Variants in DNMBP observed in about 807,000 individuals in gnomAD.
The protein encoded by DNMBP is dynamin binding protein, also known as dynamin-binding protein.
In DNMBP, 87 loss-of-function variants were observed where a neutral mutation model predicts 150.0. The ratio of observed to expected loss-of-function variants is 0.58; its 90% CI spans 0.49 to 0.69. The LOEUF (loss-of-function observed/expected upper bound fraction) is 0.69, where lower values mean the gene tolerates loss of function less well. Ranked by LOEUF, DNMBP falls within the 30% of genes least tolerant of loss-of-function variation. The pLI is 0.00. For missense variants in DNMBP, 1,774 were observed against 1,949.0 expected, an observed-to-expected ratio of 0.91 and a Z score of 1.69; for synonymous variants, 711 against 750.4, an observed-to-expected ratio of 0.95 and a Z score of 0.86.
chr10:99,906,236 C>G (rs2039823840), intron 6 of DNMBP, among the ~76,000 whole-genome samples: 1 of 152,110 alleles, frequency 6.6e-6, no homozygotes, highest in Admixed American at 6.6e-5. Flanking sequence ...CCTTTCTAGC[C>G]ATCAGCTTAG....
Position 99,997,927 on chromosome 10 carries a change from C to CAA in DNMBP, c.-11+11909_-11+11910dup, listed in dbSNP as rs71009798. Among the ~76,000 whole-genome samples, 101 of 22,322 alleles carry CAA rather than the reference C, an allele frequency of 4.5e-3. 23 individuals are homozygous for CAA. Among genetic ancestry groups the CAA allele is most frequent in the Admixed American group, 0.011 (17 of 1,480 alleles). 14.6% of individuals were successfully genotyped at this position (22,322 alleles called of 152,430 possible). On this transcript the variant is annotated intron_variant, in intron 1 of 16. Coordinates refer to ENST00000324109, the MANE Select transcript of DNMBP (RefSeq NM_015221.4). The stretch of plus-strand genomic sequence containing the variant: ...TGGGTGACAGAATGAGACTCTGTCT[C>CAA]AAAAAAAAAAAAAAAAAAAAAAAAA...
chr10:99,884,068 C>T lies in DNMBP; in HGVS notation c.3940G>A (p.Val1314Met), dbSNP rs770740557. 1.2e-6 allele frequency: 2 copies of T among 1,613,956 alleles called. No individual in the cohort carries two copies. Among genetic ancestry groups the T allele is most frequent in the African/African-American group, 1.3e-5 (1 of 74,876 alleles). Reference sequence around the variant, plus strand: ...CCCATGGGGTCTTTTTTCTTAATCACACCCACCAGGTCACCTTCCAAAAGT... The same window carrying T: ...CCCATGGGGTCTTTTTTCTTAATCATACCCACCAGGTCACCTTCCAAAAGT... ...VSLLEGDLVG[V>M]IKKKDPMGSQ... The change falls in exon 15 of 17, where the codon GTG becomes ATG. Residue 1314 changes from valine to methionine, a missense_variant. Coordinates refer to ENST00000324109, the MANE Select transcript of DNMBP (RefSeq NM_015221.4).
chr10:100,002,439 T>C (rs1402430876), intron 1 of DNMBP, among the ~76,000 whole-genome samples: 2 of 152,124 alleles, frequency 1.3e-5, no homozygotes, highest in Admixed American at 1.3e-4. Flanking sequence ...CCTCAATATT[T>C]CTTGAGATAT....
chr10:99,880,416 CAG>C (rs2039349227), intron 15 of DNMBP, 55 bp from the exon 16 acceptor site: 3 of 1,468,002 alleles, frequency 2.0e-6, no homozygotes, highest in Non-Finnish European at 2.7e-6. Flanking sequence ...GCTGGACAGA[CAG>C]AGGGAGCATT....
At chr10:99,964,883 A>ATATAT (rs1209625929) in intron 3 of DNMBP, among the ~76,000 whole-genome samples, 2 of 127,630 alleles carry the variant, frequency 1.6e-5, no homozygotes, top group African/African-American at 6.3e-5. Flanking sequence ...GGAAAAAAAA[A>ATATAT]AAATATATAT....
chr10:99,890,087 C>G (rs570654249), intron 11 of DNMBP, among the ~76,000 whole-genome samples: 49 of 152,226 alleles, frequency 3.2e-4, no homozygotes, highest in Admixed American at 9.8e-4. Flanking sequence ...GACCTTTTGT[C>G]TTTAATATTT....
At chr10:99,994,406 C>T (rs1157612038) in intron 1 of DNMBP, among the ~76,000 whole-genome samples, 1 of 152,056 alleles carries the variant, frequency 6.6e-6, no homozygotes. Flanking sequence ...CGGGTGATGA[C>T]GATTATGACC....
chr10:99,953,957 C>G (rs2040452486), intron 4 of DNMBP, among the ~76,000 whole-genome samples: 1 of 152,122 alleles, frequency 6.6e-6, no homozygotes, highest in Non-Finnish European at 1.5e-5. Context: ...GACTTCCCAT[C>G]TGCACCACTG....
At chr10:99,980,070 TTG>T (rs2040766127) in intron 1 of DNMBP, among the ~76,000 whole-genome samples, 1 of 152,204 alleles carries the variant, frequency 6.6e-6, no homozygotes, top group African/African-American at 2.4e-5. Flanking sequence ...TCTTGCAGAT[TTG>T]TGAGACATTG....
rs527938908 is a variant in DNMBP at position 99,969,170 on chromosome 10, A to C, written c.213T>G (p.Phe71Leu). 8 of 1,614,110 alleles carry C rather than the reference A, an allele frequency of 5.0e-6. No individual in the cohort carries two copies. In the South Asian group the frequency reaches 8.8e-5, roughly 18 times the overall value. ...GGGATGTGAATTCACAAATGCACAC[A>C]AACAGCCTCTCTCCCTCTTTTAGAC... The part of the protein sequence containing the change: ...IPSLKEGERL[F>L]VCICEFTSQE... Residue 71 changes from phenylalanine (F) to leucine (L), a missense_variant, in exon 3 of 17, where the codon TTT becomes TTG. Phe to Leu is a conservative substitution (Grantham distance 22, BLOSUM62 0). This residue lies in a region of DNMBP where 344 missense variants were observed against 456.6 expected (regional missense o/e 0.75). Coordinates refer to ENST00000324109, the MANE Select transcript of DNMBP (RefSeq NM_015221.4).
intron 4 of DNMBP, among the ~76,000 whole-genome samples, chr10:99,919,032 A>G (rs867673401): frequency 5.6e-4 from 86 of 152,342 alleles, no homozygotes; most frequent in African/African-American, 2.0e-3. Context: ...GAAAAGCTCT[A>G]TTTTCTACAC....
intron 11 of DNMBP, chr10:99,889,169 TG>T (rs2039519468): frequency 2.0e-6 from 1 of 497,410 alleles, no homozygotes; most frequent in South Asian, 2.7e-5. Flanking sequence ...TTAACAAAAC[TG>T]TTGAGGGCTT....
intron 4 of DNMBP, among the ~76,000 whole-genome samples, chr10:99,954,474 G>C (rs1564744155): frequency 6.6e-6 from 1 of 152,024 alleles, no homozygotes; most frequent in Non-Finnish European, 1.5e-5. Flanking sequence ...GCTGGGTGCG[G>C]TGGCTCATGC....
rs759998178 is a variant in DNMBP, at chr10:99,930,239, C to T, written c.2261-21093G>A. On this transcript the variant is annotated intron_variant, in intron 4 of 16. Transcript: ENST00000324109. ...CATTCTCATGGTCTATATACCACAA[C>T]TGAGGTTGACCTAAATTCGCTGAAG... The T allele has an allele frequency of 3.3e-4, 232 of 702,788 alleles. 1 individual carries two copies. Among genetic ancestry groups the T allele is most frequent in the Non-Finnish European group, 5.1e-4 (195 of 385,002 alleles). 43.5% of individuals were successfully genotyped at this position (702,788 alleles called of 1,614,324 possible). A position where few individuals can be genotyped will look rare whatever the true frequency, so the allele number is the denominator to read the frequency against.
At chr10:99,948,965 A>AAAAT (rs55754467) in intron 4 of DNMBP, among the ~76,000 whole-genome samples, 54,473 of 136,950 alleles carry the variant, frequency 0.4, 11,416 homozygotes, top group Admixed American at 0.46. Flanking sequence ...CTCCATCTCA[A>AAAAT]AAATAAATAA....
chr10:99,898,532 C>A (rs1405120866), intron 8 of DNMBP, among the ~76,000 whole-genome samples: 2 of 152,104 alleles, frequency 1.3e-5, no homozygotes, highest in Non-Finnish European at 2.9e-5. Context: ...TTAATAGTAA[C>A]CCCAAAAGTC....
intron 1 of DNMBP, among the ~76,000 whole-genome samples, chr10:99,984,968 G>C (rs1017704185): frequency 6.6e-6 from 1 of 152,054 alleles, no homozygotes; most frequent in African/African-American, 2.4e-5. Flanking sequence ...TCTTGAACTC[G>C]TGAGTTCAAG....
At chr10:99,925,506 C>T (rs867766196) in intron 4 of DNMBP, among the ~76,000 whole-genome samples, 20 of 152,268 alleles carry the variant, frequency 1.3e-4, no homozygotes, top group Admixed American at 3.9e-4. Flanking sequence ...ACCTCCACCT[C>T]CTGGGTTCAA....
Position 99,898,221 on chromosome 10 carries a change from A to G in DNMBP, c.2785T>C (p.Tyr929His). 6.2e-7 allele frequency: 1 copy of G among 1,614,112 alleles called. No homozygotes were observed. Among genetic ancestry groups the G allele is most frequent in the Non-Finnish European group, 8.5e-7 (1 of 1,179,976 alleles). Residue 929 changes from tyrosine to histidine, a missense_variant, in exon 9 of 17, where the codon TAC becomes CAC. Physicochemically the swap from Tyr to His is moderately conservative, Grantham distance 83. This residue lies in a region of DNMBP where 1,430 missense variants were observed against 1,492.5 expected (regional missense o/e 0.96). Coordinates refer to ENST00000324109, the MANE Select transcript of DNMBP (RefSeq NM_015221.4). Reference sequence around the variant, plus strand: ...AGCAACTCCATTAGCAACAGCGGGTAACGCATTACTCTCTGTACTGGTTTG... The same window carrying G: ...AGCAACTCCATTAGCAACAGCGGGTGACGCATTACTCTCTGTACTGGTTTG... ...LIKPVQRVMR[Y>H]PLLLMELLNS...
Sources: gnomAD v4.1 joint callset for allele counts (sites outside exome capture counted in the v4.1 genomes callset) on GRCh38, gnomAD v4.1.1 for gene constraint, gnomAD v4.1.1 regional missense constraint, MANE v1.5 for transcripts, NCBI Gene and HGNC (gene_info 2026-07-23, HGNC 2026-07-21) for gene names.